Variants in RAB9B observed in about 807,000 individuals in gnomAD.
RAB9B encodes the protein ras-related protein Rab-9B.
RAB9B carries 1 observed loss-of-function variant against 8.9 expected under a neutral mutation model. The ratio of observed to expected loss-of-function variants is 0.11; its 90% CI spans 0.04 to 0.53. The LOEUF is 0.53. Among genes scored for constraint, RAB9B ranks in the 20% least tolerant of loss-of-function variants. The pLI, the probability that RAB9B is intolerant of heterozygous loss-of-function variation, is 0.93. For missense variants in RAB9B, 82 were observed against 152.9 expected (o/e 0.54, Z 2.45); for synonymous variants, 63 against 57.0 (o/e 1.10, Z -0.47).
chrX:103,799,265 G>A, the RAB9B span, among the ~76,000 whole-genome samples: 1 of 102,659 alleles, frequency 9.7e-6, no homozygotes, highest in Non-Finnish European at 1.9e-5. Flanking sequence ...AGGTATCTCC[G>A]CATATCTGTT....
At chrX:103,805,735 G>A in the RAB9B span, among the ~76,000 whole-genome samples, 2 of 105,505 alleles carry the variant, frequency 1.9e-5, no homozygotes, top group Non-Finnish European at 2.0e-5. Context: ...TTGTTTACTA[G>A]GTTTTTTTAA....
the RAB9B span, chrX:103,788,453 T>C: frequency 1.7e-6 from 2 of 1,208,323 alleles, no homozygotes; most frequent in South Asian, 3.5e-5. Flanking sequence ...TCCCATGGAA[T>C]GCTTTCCCTG....
the RAB9B span, chrX:103,788,075 TG>T: frequency 1.6e-6 from 1 of 621,166 alleles, no homozygotes; most frequent in Non-Finnish European, 2.7e-6. Flanking sequence ...AAATATAAGA[TG>T]ATGAATGATT....
At chrX:103,821,395 C>T (rs2074660167), downstream of RAB9B, among the ~76,000 whole-genome samples, 1 of 110,241 alleles carries the variant, frequency 9.1e-6, no homozygotes, top group Non-Finnish European at 1.9e-5. Context: ...AATTCCCCAC[C>T]CCCAATTTCA....
At chrX:103,818,824 A>AT (rs1414470045), downstream of RAB9B, among the ~76,000 whole-genome samples, 1 of 111,958 alleles carries the variant, frequency 8.9e-6, no homozygotes, top group Non-Finnish European at 1.9e-5. Context: ...GATGACTTTA[A>AT]TTTTTTAAAT....
chrX:103,831,965 T>C (rs2074705933), intron 1 of RAB9B, 95 bp downstream of exon 1: 1 of 111,618 alleles, frequency 9.0e-6, no homozygotes, highest in Non-Finnish European at 1.9e-5. Context: ...CAACTAGACT[T>C]TCCTTTCTCC....
At chrX:103,787,609 G>A in the RAB9B span, 11 of 470,612 alleles carry the variant, frequency 2.3e-5, no homozygotes, top group African/African-American at 1.9e-4. Flanking sequence ...CGTTATACTG[G>A]GGCCAGTTAT....
In RAB9B at chrX:103,822,858, G is replaced by A. The variant is rs1482365468; in HGVS notation, c.*2321C>T. On this transcript the variant is annotated 3_prime_UTR_variant, in exon 3 of 3. Transcript: ENST00000243298. ...CTGTTTATGTCACTTAATGTTGAGT[G>A]CTTTCATTAAGATATTGAGTGGTAA... The A allele has an allele frequency of 1.8e-5, 2 of 111,289 alleles. No homozygotes were observed. Among genetic ancestry groups the A allele is most frequent in the Middle Eastern group, 4.2e-3 (1 of 238 alleles). 9.2% of individuals were successfully genotyped at this position (111,289 alleles called of 1,213,427 possible).
chrX:103,797,410 T>G, the RAB9B span, among the ~76,000 whole-genome samples: 1 of 112,314 alleles, frequency 8.9e-6, no homozygotes, highest in South Asian at 3.7e-4. Context: ...GAGAACAGTT[T>G]GGACACCAGA....
downstream of RAB9B, among the ~76,000 whole-genome samples, chrX:103,817,441 C>T (rs2074643601): frequency 9.1e-6 from 1 of 109,866 alleles, no homozygotes; most frequent in Admixed American, 9.8e-5. Context: ...GGGTTGGGGG[C>T]TAGGGGAGGG....
chrX:103,808,462 C>T, the RAB9B span, among the ~76,000 whole-genome samples: 1 of 112,430 alleles, frequency 8.9e-6, no homozygotes, highest in Non-Finnish European at 1.9e-5. Context: ...ATGTGACATT[C>T]TGGCCATATC....
chrX:103,787,560 A>T, the RAB9B span: 1 of 436,483 alleles, frequency 2.3e-6, no homozygotes, highest in South Asian at 3.4e-5. Flanking sequence ...TAACCCAGGG[A>T]TCCTCCTCAC....
chrX:103,779,861 T>A, the RAB9B span: 1 of 112,249 alleles, frequency 8.9e-6, no homozygotes, highest in African/African-American at 3.2e-5. Context: ...TTGAAAGCCA[T>A]CCCCTGGGTA....
At chrX:103,821,369 A>C (rs920909107), downstream of RAB9B, among the ~76,000 whole-genome samples, 2 of 104,371 alleles carry the variant, frequency 1.9e-5, no homozygotes, top group East Asian at 5.8e-4. Context: ...AAAAAAAAAA[A>C]ATCTGTTTCC....
the RAB9B span, among the ~76,000 whole-genome samples, chrX:103,784,717 C>G: frequency 8.9e-6 from 1 of 112,263 alleles, no homozygotes; most frequent in Non-Finnish European, 1.9e-5. Flanking sequence ...CCTGGAACTC[C>G]AAGTGCATTT....
chrX:103,784,738 A>T, the RAB9B span, among the ~76,000 whole-genome samples: 7 of 112,117 alleles, frequency 6.2e-5, no homozygotes, highest in Admixed American at 2.8e-4. Flanking sequence ...ACCCTCTGTT[A>T]CCACTTACTT....
chrX:103,798,288 T>C, the RAB9B span, among the ~76,000 whole-genome samples: 1 of 112,119 alleles, frequency 8.9e-6, no homozygotes, highest in African/African-American at 3.2e-5. Flanking sequence ...TTAAAATATG[T>C]TTTATTTGAT....
the RAB9B span, among the ~76,000 whole-genome samples, chrX:103,816,201 C>G: frequency 9.0e-6 from 1 of 111,323 alleles, no homozygotes; most frequent in Admixed American, 9.5e-5. Flanking sequence ...CTACAGTAAC[C>G]AAAACAGCAT....
the RAB9B span, among the ~76,000 whole-genome samples, chrX:103,801,139 T>C: frequency 9.0e-6 from 1 of 111,303 alleles, no homozygotes; most frequent in East Asian, 2.8e-4. Flanking sequence ...TGGAGTATGA[T>C]GATGTCTCCA....
Sources: gnomAD v4.1 joint callset for allele counts (sites outside exome capture counted in the v4.1 genomes callset) on GRCh38, gnomAD v4.1.1 for gene constraint, MANE v1.5 for transcripts, NCBI Gene and HGNC (gene_info 2026-07-23, HGNC 2026-07-21) for gene names.